Variants in COX7B2 observed in about 807,000 individuals in gnomAD.
COX7B2 encodes cytochrome c oxidase subunit 7B2.
For missense variants in COX7B2, 109 were observed against 95.9 expected (o/e 1.14, Z -0.57); for synonymous variants, 37 against 32.1 (o/e 1.15, Z -0.51).
intron 1 of COX7B2, among the ~76,000 whole-genome samples, chr4:46,907,409 C>T (rs1259722011): frequency 6.6e-6 from 1 of 152,156 alleles, no homozygotes; most frequent in African/African-American, 2.4e-5. Context: ...TACGCTAGCA[C>T]CTAAAATCCT....
chr4:46,803,895 C>A (rs191158113), intron 2 of COX7B2, among the ~76,000 whole-genome samples: 1 of 152,090 alleles, frequency 6.6e-6, no homozygotes, highest in African/African-American at 2.4e-5. Flanking sequence ...GTGCTACTTT[C>A]GAGGTCTCTT....
intron 1 of COX7B2, among the ~76,000 whole-genome samples, chr4:46,884,287 C>T (rs925538869): frequency 2.6e-5 from 4 of 152,132 alleles, no homozygotes; most frequent in African/African-American, 9.7e-5. Context: ...AACTCCTAGG[C>T]TCATAGCAAT....
At chr4:46,837,052 C>T (rs538356880) in intron 2 of COX7B2, among the ~76,000 whole-genome samples, 37 of 152,118 alleles carry the variant, frequency 2.4e-4, no homozygotes, top group African/African-American at 7.7e-4. Context: ...AATACAGCAG[C>T]ATTTAATTGA....
chr4:46,886,522 T>C (rs1389664989), intron 1 of COX7B2, among the ~76,000 whole-genome samples: 1 of 152,182 alleles, frequency 6.6e-6, no homozygotes, highest in South Asian at 2.1e-4. Flanking sequence ...TTCATACTCA[T>C]TAAACAACTC....
At chr4:46,763,113 A>T (rs1002805149) in intron 2 of COX7B2, among the ~76,000 whole-genome samples, 8 of 127,058 alleles carry the variant, frequency 6.3e-5, no homozygotes, top group Non-Finnish European at 1.1e-4. Context: ...ATTATATAAT[A>T]TATTACATTA....
intron 2 of COX7B2, among the ~76,000 whole-genome samples, chr4:46,797,453 T>C (rs1718423849): frequency 1.3e-5 from 2 of 152,324 alleles, no homozygotes; most frequent in South Asian, 4.1e-4. Flanking sequence ...TCTCAAGTTC[T>C]GGAATGTACA....
At chr4:46,810,386 A>G (rs796585359) in intron 2 of COX7B2, among the ~76,000 whole-genome samples, 6 of 152,016 alleles carry the variant, frequency 3.9e-5, no homozygotes, top group African/African-American at 1.4e-4. Context: ...ATAATTTGAT[A>G]ATTTTCTGTA....
chr4:46,831,957 A>G (rs1363442475), intron 2 of COX7B2, among the ~76,000 whole-genome samples: 1 of 152,142 alleles, frequency 6.6e-6, no homozygotes, highest in Non-Finnish European at 1.5e-5. Flanking sequence ...GGTGAGGTGG[A>G]GAACTTTTGT....
chr4:46,903,989 T>C (rs537888794), intron 1 of COX7B2: 7 of 152,300 alleles, frequency 4.6e-5, no homozygotes, highest in Admixed American at 4.6e-4. Flanking sequence ...CCTAGCTACA[T>C]TGTAAAGAGC....
chr4:46,796,170 T>C (rs1718327783), intron 2 of COX7B2, among the ~76,000 whole-genome samples: 1 of 136,996 alleles, frequency 7.3e-6, no homozygotes, highest in African/African-American at 3.1e-5. Context: ...ACTTCCTCTT[T>C]TCCTAATTGA....
chr4:46,768,935 C>T (rs566346946), intron 2 of COX7B2, among the ~76,000 whole-genome samples: 4 of 151,848 alleles, frequency 2.6e-5, no homozygotes, highest in African/African-American at 9.7e-5. Flanking sequence ...AATAACTACA[C>T]AACAATTTGG....
At chr4:46,880,789 A>T (rs1389484106) in intron 1 of COX7B2, among the ~76,000 whole-genome samples, 5 of 144,116 alleles carry the variant, frequency 3.5e-5, no homozygotes, top group African/African-American at 1.0e-4. Flanking sequence ...TGGGAATTGA[A>T]CAATGAGATC....
intron 1 of COX7B2, among the ~76,000 whole-genome samples, chr4:46,868,738 T>A (rs1367841371): frequency 6.6e-6 from 1 of 152,184 alleles, no homozygotes; most frequent in East Asian, 1.9e-4. Context: ...CAAAAGTGTG[T>A]TTGGTATGAT....
At chr4:46,795,576 A>G (rs1349544400) in intron 2 of COX7B2, among the ~76,000 whole-genome samples, 3 of 140,242 alleles carry the variant, frequency 2.1e-5, no homozygotes, top group Non-Finnish European at 4.5e-5. Flanking sequence ...TTTTTGTACC[A>G]GTACCATGCT....
At position 46,735,248 on chromosome 4, in the gene COX7B2, A is replaced by G. The variant is rs1714295225; in HGVS notation, c.-49-7T>C. ...CTATTTTGTTGCAAAGAGGCTGGAA[A>G]GAGAGAAAAGATATGCATTGATGTC... is the stretch of plus-strand genomic sequence containing the variant. On this transcript the variant is annotated splice_polypyrimidine_tract_variant and splice_region_variant and intron_variant, in intron 2 of 2. Transcript: ENST00000355591. 1 of 1,593,936 alleles carries G rather than the reference A, an allele frequency of 6.3e-7. No homozygotes were observed. The highest frequency in any genetic ancestry group is 1.7e-4 in the Middle Eastern group (1 of 5,992).
chr4:46,877,452 T>TC (rs1385998578), intron 1 of COX7B2, among the ~76,000 whole-genome samples: 1 of 152,208 alleles, frequency 6.6e-6, no homozygotes, highest in Admixed American at 6.5e-5. Context: ...CGCAAACTTT[T>TC]CTACTCACAT....
chr4:46,766,002 T>C (rs1469518898), intron 2 of COX7B2, among the ~76,000 whole-genome samples: 2 of 151,662 alleles, frequency 1.3e-5, no homozygotes, highest in Non-Finnish European at 2.9e-5. Flanking sequence ...GGATGCAAAC[T>C]CCAGTCCAGG....
intron 1 of COX7B2, among the ~76,000 whole-genome samples, chr4:46,870,378 A>G (rs148402876): frequency 7.2e-5 from 11 of 152,268 alleles, no homozygotes; most frequent in African/African-American, 2.6e-4. Flanking sequence ...AGCCAACATT[A>G]TACTGAATGA....
chr4:46,806,927 ACT>A (rs1434320950), intron 2 of COX7B2, among the ~76,000 whole-genome samples: 1 of 152,086 alleles, frequency 6.6e-6, no homozygotes, highest in South Asian at 2.1e-4. Flanking sequence ...AGCTATGGAC[ACT>A]CTAGATTATT....
Sources: gnomAD v4.1 joint callset for allele counts (sites outside exome capture counted in the v4.1 genomes callset) on GRCh38, gnomAD v4.1.1 for gene constraint, MANE v1.5 for transcripts, NCBI Gene and HGNC (gene_info 2026-07-23, HGNC 2026-07-21) for gene names.